Variants in EYS observed in about 807,000 individuals in gnomAD.
EYS encodes the protein EGF-like photoreceptor maintenance factor, also known as protein eyes shut homolog.
In EYS, 250 loss-of-function variants were observed where a neutral mutation model predicts 282.1. The observed-to-expected ratio is 0.89, with a 90% confidence interval of 0.80 to 0.98. EYS has a LOEUF of 0.98. Among genes scored for constraint, EYS ranks in the 50% least tolerant of loss-of-function variants. The pLI, the probability that EYS is intolerant of heterozygous loss-of-function variation, is 0.00. For synonymous variants in EYS, 1,355 were observed against 1,282.9 expected (o/e 1.06, Z -1.20); for missense variants, 4,016 against 3,709.0 (o/e 1.08, Z -2.15).
At chr6:64,345,530 C>T (rs1187130442) in intron 29 of EYS, among the ~76,000 whole-genome samples, 1 of 152,076 alleles carries the variant, frequency 6.6e-6, no homozygotes, top group Non-Finnish European at 1.5e-5. Flanking sequence ...CCCTTCCTTA[C>T]ACCTTATACA....
chr6:64,628,506 C>A (rs1036074583), intron 22 of EYS, among the ~76,000 whole-genome samples: 1 of 152,056 alleles, frequency 6.6e-6, no homozygotes, highest in African/African-American at 2.4e-5. Flanking sequence ...ATATAAAACT[C>A]AAAGTAATCC....
chr6:64,100,820 C>T (rs866253977), intron 31 of EYS, among the ~76,000 whole-genome samples: 31 of 152,226 alleles, frequency 2.0e-4, no homozygotes, highest in African/African-American at 6.7e-4. Context: ...CTGTAGCTGA[C>T]GTGGCTGAGC....
intron 22 of EYS, among the ~76,000 whole-genome samples, chr6:64,697,542 A>G (rs928088231): frequency 5.3e-5 from 8 of 152,162 alleles, no homozygotes; most frequent in African/African-American, 7.2e-5. Context: ...AAATAAACCT[A>G]ACAGACATTT....
chr6:65,456,355 C>T (rs1167079917), intron 5 of EYS, among the ~76,000 whole-genome samples: 5 of 151,446 alleles, frequency 3.3e-5, no homozygotes, highest in Admixed American at 6.6e-5. Context: ...GAGGCTGAGG[C>T]GGGAGAACCA....
At chr6:65,087,794 C>G (rs1774427240) in intron 12 of EYS, among the ~76,000 whole-genome samples, 1 of 152,168 alleles carries the variant, frequency 6.6e-6, no homozygotes, top group Non-Finnish European at 1.5e-5. Context: ...TTCTATCATT[C>G]CATGCACATG....
At chr6:65,677,955 T>C (rs1768682871) in intron 1 of EYS, among the ~76,000 whole-genome samples, 1 of 152,000 alleles carries the variant, frequency 6.6e-6, no homozygotes, top group South Asian at 2.1e-4. Context: ...GTTAGTCCAT[T>C]GTTGTGTTGC....
At chr6:64,070,267 T>G (rs1161508024) in intron 32 of EYS, among the ~76,000 whole-genome samples, 1 of 152,118 alleles carries the variant, frequency 6.6e-6, no homozygotes, top group African/African-American at 2.4e-5. Context: ...AGTCATAATT[T>G]TATAACATCA....
At chr6:64,069,356 G>A (rs1347352550) in intron 32 of EYS, among the ~76,000 whole-genome samples, 1 of 151,798 alleles carries the variant, frequency 6.6e-6, no homozygotes, top group Admixed American at 6.6e-5. Flanking sequence ...ATATTTATTT[G>A]TGGAATATAT....
intron 24 of EYS, among the ~76,000 whole-genome samples, chr6:64,608,672 G>C (rs1357742060): frequency 1.3e-5 from 2 of 152,214 alleles, no homozygotes; most frequent in Middle Eastern, 3.4e-3. Flanking sequence ...AAAAACTTTA[G>C]TAGGTTGAAC....
chr6:64,958,734 CAAAAAAAAAAAAAAA>C lies in EYS; in HGVS notation c.2260-12835_2260-12821del, dbSNP rs1167094477. On this transcript the variant is annotated intron_variant, in intron 14 of 42. Coordinates refer to ENST00000503581, the MANE Select transcript of EYS (RefSeq NM_001142800.2). ...TGGGCGACAAAACGAGACTCCGTCT[CAAAAAAAAAAAAAAA>C]AAAAAAAAAAAAAAGAAACAATCTT... Among the ~76,000 whole-genome samples, 6 of 51,670 alleles carry C rather than the reference CAAAAAAAAAAAAAAA, an allele frequency of 1.2e-4. No individual in the cohort carries two copies. The South Asian group carries it at 2.1e-3, about 18-fold the overall frequency. The allele number at this position is 51,670 out of a possible 152,430, so 33.9% of individuals were successfully genotyped here.
intron 12 of EYS, among the ~76,000 whole-genome samples, chr6:65,139,689 G>C (rs79881214): frequency 6.6e-6 from 1 of 151,984 alleles, no homozygotes; most frequent in Non-Finnish European, 1.5e-5. Flanking sequence ...CACTCCTCCC[G>C]TTCTTAGCCA....
intron 26 of EYS, among the ~76,000 whole-genome samples, chr6:64,501,862 A>G (rs367689286): frequency 6.6e-6 from 1 of 152,226 alleles, no homozygotes; most frequent in Non-Finnish European, 1.5e-5. Context: ...CCTCACCTCT[A>G]CCATGTATGA....
At chr6:64,966,198 A>T (rs1770089240) in intron 14 of EYS, among the ~76,000 whole-genome samples, 1 of 152,154 alleles carries the variant, frequency 6.6e-6, no homozygotes, top group Non-Finnish European at 1.5e-5. Context: ...TATATAGATA[A>T]GTATCAAAAT....
At chr6:65,389,184 C>A (rs1765912768) in intron 7 of EYS, among the ~76,000 whole-genome samples, 1 of 152,138 alleles carries the variant, frequency 6.6e-6, no homozygotes, top group Non-Finnish European at 1.5e-5. Flanking sequence ...CATTTGCCAG[C>A]AACACTGCAA....
intron 12 of EYS, among the ~76,000 whole-genome samples, chr6:65,279,193 A>C (rs942125494): frequency 6.6e-6 from 1 of 150,406 alleles, no homozygotes; most frequent in African/African-American, 2.4e-5. Flanking sequence ...TGGCTCTATA[A>C]AAAAAAATAA....
chr6:64,375,777 G>A (rs1772542166), intron 29 of EYS, among the ~76,000 whole-genome samples: 1 of 152,134 alleles, frequency 6.6e-6, no homozygotes, highest in African/African-American at 2.4e-5. Context: ...ACAAAGGAAA[G>A]GAGACAGACA....
intron 29 of EYS, among the ~76,000 whole-genome samples, chr6:64,316,799 C>T (rs145484226): frequency 0.031 from 4,741 of 152,232 alleles, 235 homozygotes; most frequent in African/African-American, 0.11. Context: ...CATCATGCTA[C>T]ATGACTTCAA....
intron 35 of EYS, among the ~76,000 whole-genome samples, chr6:63,938,162 T>C (rs1012742095): frequency 3.3e-5 from 5 of 152,096 alleles, no homozygotes. Context: ...AGAAAGGAAA[T>C]AGGAAACTCA....
At chr6:65,539,608 T>G (rs1202291232) in intron 2 of EYS, among the ~76,000 whole-genome samples, 1 of 152,182 alleles carries the variant, frequency 6.6e-6, no homozygotes, top group Non-Finnish European at 1.5e-5. Context: ...AAATGGTTCT[T>G]ATATATATCA....
Sources: allele counts gnomAD v4.1 joint callset (sites outside exome capture counted in the v4.1 genomes callset), GRCh38; gene constraint gnomAD v4.1.1; transcripts MANE v1.5; gene names NCBI Gene and HGNC (gene_info 2026-07-23, HGNC 2026-07-21).